Variants in SH3PXD2B observed in about 807,000 individuals in gnomAD.
The protein encoded by SH3PXD2B is SH3 and PX domains 2B, also known as SH3 and PX domain-containing protein 2B.
In SH3PXD2B, 37 loss-of-function variants were observed where a neutral mutation model predicts 73.1. The observed-to-expected ratio is 0.51, with a 90% confidence interval of 0.39 to 0.67. SH3PXD2B has a LOEUF of 0.67. Ranked by LOEUF, SH3PXD2B falls within the 30% of genes least tolerant of loss-of-function variation. The probability of loss-of-function intolerance (pLI) is 0.00; values close to 1 mark genes in which losing one functional copy is unlikely to be tolerated. For missense variants in SH3PXD2B, 1,053 were observed against 1,197.8 expected, an observed-to-expected ratio of 0.88 and a Z score of 1.78; for synonymous variants, 457 against 480.5, an observed-to-expected ratio of 0.95 and a Z score of 0.64.
chr5:172,368,712 A>T (rs540368950), intron 6 of SH3PXD2B, among the ~76,000 whole-genome samples: 1 of 85,470 alleles, frequency 1.2e-5, no homozygotes, highest in South Asian at 3.4e-4. Flanking sequence ...TATATATATT[A>T]TATATATATA....
intron 1 of SH3PXD2B, among the ~76,000 whole-genome samples, chr5:172,438,352 C>T (rs914240819): frequency 3.3e-5 from 5 of 152,182 alleles, no homozygotes; most frequent in Non-Finnish European, 7.3e-5. Flanking sequence ...TGCATTACTG[C>T]ACCCCCACTG....
chr5:172,406,310 C>G lies in SH3PXD2B; in HGVS notation c.199G>C (p.Asp67His). The change falls in exon 3 of 13, where the codon GAC becomes CAC. Residue 67 changes from aspartate to histidine, a missense_variant. This residue lies in a region of SH3PXD2B where 466 missense variants were observed against 607.1 expected (regional missense o/e 0.77). Transcript: ENST00000311601. ...AAGGGGATGATCCGCTGCTTGGGGTCCTTCTGTCCTCCTTCCATGGGAAAT... is the reference window on the plus strand; with the variant it reads ...AAGGGGATGATCCGCTGCTTGGGGTGCTTCTGTCCTCCTTCCATGGGAAAT... ...DKFPMEGGQK[D>H]PKQRIIPFLP... 1 of 1,614,118 alleles carries G rather than the reference C, an allele frequency of 6.2e-7. No individual in the cohort carries two copies. Among genetic ancestry groups the G allele is most frequent in the Non-Finnish European group, 8.5e-7 (1 of 1,179,996 alleles).
chr5:172,448,835 T>A (rs909283209), intron 1 of SH3PXD2B, among the ~76,000 whole-genome samples: 1 of 152,220 alleles, frequency 6.6e-6, no homozygotes, highest in African/African-American at 2.4e-5. Flanking sequence ...TTCTTTCCAC[T>A]CAACTTTGCT....
intron 6 of SH3PXD2B, among the ~76,000 whole-genome samples, chr5:172,366,328 G>A (rs1460499295): frequency 6.6e-6 from 1 of 152,164 alleles, no homozygotes; most frequent in Non-Finnish European, 1.5e-5. Flanking sequence ...TCTCTGTCCT[G>A]CCCCTCCAGT....
chr5:172,365,490 C>T (rs1389450461), intron 6 of SH3PXD2B, among the ~76,000 whole-genome samples: 1 of 152,198 alleles, frequency 6.6e-6, no homozygotes, highest in African/African-American at 2.4e-5. Context: ...GGCCTGCGGG[C>T]TCTCCTTCCC....
At chr5:172,392,835 T>G (rs1758220905) in intron 4 of SH3PXD2B, among the ~76,000 whole-genome samples, 1 of 152,198 alleles carries the variant, frequency 6.6e-6, no homozygotes, top group Non-Finnish European at 1.5e-5. Flanking sequence ...CTTTTGCCAG[T>G]GAATTGTCTT....
At chr5:172,373,735 C>A in intron 6 of SH3PXD2B, 55 bp downstream of exon 6, 2 of 1,563,046 alleles carry the variant, frequency 1.3e-6, no homozygotes, top group South Asian at 2.3e-5. Context: ...AGTTGGTGCT[C>A]GGCTGGAGTT....
At chr5:172,432,649 C>T (rs1326461459) in intron 1 of SH3PXD2B, among the ~76,000 whole-genome samples, 3 of 151,978 alleles carry the variant, frequency 2.0e-5, no homozygotes, top group Non-Finnish European at 2.9e-5. Context: ...TGGCTGGGTG[C>T]GGTCCGCCTG....
intron 1 of SH3PXD2B, among the ~76,000 whole-genome samples, chr5:172,453,693 ACTGGAGAG>A (rs1759854113): frequency 6.6e-6 from 1 of 152,248 alleles, no homozygotes; most frequent in African/African-American, 2.4e-5. Context: ...AACAGAAGTT[ACTGGAGAG>A]AGGGGGCAGG....
At chr5:172,342,620 G>T (rs1387829289) in intron 12 of SH3PXD2B, among the ~76,000 whole-genome samples, 1 of 152,210 alleles carries the variant, frequency 6.6e-6, no homozygotes, top group Non-Finnish European at 1.5e-5. Flanking sequence ...AATTAGCTGG[G>T]TGTGGTGGCA....
At chr5:172,419,844 C>T (rs534473471) in intron 2 of SH3PXD2B, among the ~76,000 whole-genome samples, 4 of 152,290 alleles carry the variant, frequency 2.6e-5, no homozygotes, top group Admixed American at 2.0e-4. Flanking sequence ...AGGCAAGAGG[C>T]CTCTGAAAGC....
At position 172,334,189 on chromosome 5, in the gene SH3PXD2B, A is replaced by G; in HGVS notation, c.*4180T>C. ...GAGGAGCTCGATAACTTGGCAGAAT[A>G]GCACCAGAAACCAGATGCCACCCCA... On this transcript the variant is annotated 3_prime_UTR_variant, in exon 13 of 13. Coordinates refer to ENST00000311601, the MANE Select transcript of SH3PXD2B (RefSeq NM_001017995.3). The G allele has an allele frequency of 9.1e-7, 1 of 1,103,518 alleles. No individual in the cohort carries two copies. Among genetic ancestry groups the G allele is most frequent in the Non-Finnish European group, 1.1e-6 (1 of 904,064 alleles). 68.4% of individuals were successfully genotyped at this position (1,103,518 alleles called of 1,614,324 possible). A position where few individuals can be genotyped will look rare whatever the true frequency, so the allele number is the denominator to read the frequency against.
Position 172,442,813 on chromosome 5 carries a change from CTT to C in SH3PXD2B, c.75+11463_75+11464del, listed in dbSNP as rs543740259. Among the ~76,000 whole-genome samples the C allele has an allele frequency of 3.0e-3, 453 of 152,314 alleles. 4 individuals are homozygous for C. Among genetic ancestry groups the C allele is most frequent in the African/African-American group, 0.01 (432 of 41,566 alleles). ...ACATGAATAATCCACAGTGGATACT[CTT>C]GTTAGCCTCATTCTGTAGAAGAGGA... On this transcript the variant is annotated intron_variant, in intron 1 of 12. Coordinates refer to ENST00000311601, the MANE Select transcript of SH3PXD2B (RefSeq NM_001017995.3).
intron 12 of SH3PXD2B, among the ~76,000 whole-genome samples, chr5:172,345,117 G>C (rs995348738): frequency 6.6e-6 from 1 of 151,062 alleles, no homozygotes; most frequent in Non-Finnish European, 1.5e-5. Context: ...AAGAAGGGAA[G>C]GAAGGAGGGA....
intron 1 of SH3PXD2B, among the ~76,000 whole-genome samples, chr5:172,436,028 TAGGG>T (rs1353755518): frequency 6.6e-6 from 1 of 152,238 alleles, no homozygotes; most frequent in Non-Finnish European, 1.5e-5. Flanking sequence ...CAAATGAAGA[TAGGG>T]AGGTGCTGGC....
At chr5:172,343,661 CAG>C (rs1756909757) in intron 12 of SH3PXD2B, among the ~76,000 whole-genome samples, 1 of 152,004 alleles carries the variant, frequency 6.6e-6, no homozygotes, top group Admixed American at 6.6e-5. Flanking sequence ...AAAAATTAGC[CAG>C]GTGTGATGGC....
chr5:172,361,726 G>A (rs1757408291), intron 7 of SH3PXD2B, among the ~76,000 whole-genome samples: 1 of 152,186 alleles, frequency 6.6e-6, no homozygotes, highest in Admixed American at 6.5e-5. Flanking sequence ...TGAGTTATTT[G>A]GAGTCATGGT....
chr5:172,454,320 C>G lies in SH3PXD2B; in HGVS notation c.33G>C (p.Lys11Asn), dbSNP rs1759880089. ...CCCGCCGCTTCTGCACGTCTAGCAC[C>G]TTCACCTCCACGATGCTGCGCCGCG... Reference protein sequence around the residue: MPPRRSIVEVKVLDVQKRRVP... With the variant: MPPRRSIVEVNVLDVQKRRVP... The change falls in exon 1 of 13, where the codon AAG becomes AAC. Residue 11 changes from lysine to asparagine, a missense_variant. Lys to Asn is a moderately conservative substitution (Grantham distance 94). This residue lies in a region of SH3PXD2B where 466 missense variants were observed against 607.1 expected (regional missense o/e 0.77). Transcript: ENST00000311601. The G allele has an allele frequency of 1.9e-6, 3 of 1,593,858 alleles. No homozygotes were observed. Among genetic ancestry groups the G allele is most frequent in the Non-Finnish European group, 2.6e-6 (3 of 1,173,412 alleles).
intron 8 of SH3PXD2B, 129 bp from the exon 9 acceptor site, chr5:172,354,134 C>A (rs1259920753): frequency 2.4e-6 from 2 of 833,922 alleles, no homozygotes; most frequent in East Asian, 5.1e-5. Flanking sequence ...CCCCCCTGGC[C>A]CTGACCTAGC....
Sources: allele counts gnomAD v4.1 joint callset (sites outside exome capture counted in the v4.1 genomes callset), GRCh38; gene constraint gnomAD v4.1.1; regional missense constraint gnomAD v4.1.1; transcripts MANE v1.5; gene names NCBI Gene and HGNC (gene_info 2026-07-23, HGNC 2026-07-21).